ANTXRL: variants seen among roughly 807,000 people sequenced by gnomAD.
ANTXRL encodes ANTXR like.
In ANTXRL, 63 loss-of-function variants were observed where a neutral mutation model predicts 75.4. The observed-to-expected ratio is 0.84, with a 90% CI of 0.68 to 1.03. The LOEUF (loss-of-function observed/expected upper bound fraction) is 1.03. Among genes scored for constraint, ANTXRL ranks in the 50% least tolerant of loss-of-function variants. The probability of loss-of-function intolerance (pLI) is 0.00; values close to 1 mark genes in which losing one functional copy is unlikely to be tolerated. For missense variants in ANTXRL, 797 were observed against 789.4 expected, an observed-to-expected ratio of 1.01 and a Z score of -0.12; for synonymous variants, 335 against 291.3, an observed-to-expected ratio of 1.15 and a Z score of -1.53.
At chr10:46,326,570 G>A (rs1839223235) in intron 16 of ANTXRL, among the ~76,000 whole-genome samples, 1 of 152,162 alleles carries the variant, frequency 6.6e-6, no homozygotes, top group African/African-American at 2.4e-5. Flanking sequence ...AGGCCTGAGT[G>A]GACAGAGGAG....
In ANTXRL at chr10:46,296,035, G is replaced by A. The variant is rs1280653916; in HGVS notation, c.409G>A (p.Gly137Ser). 1.8e-5 allele frequency: 27 copies of A among 1,535,814 alleles called. No individual in the cohort carries two copies. The highest frequency in any genetic ancestry group is 2.4e-5 in the Non-Finnish European group (27 of 1,146,720). The change falls in exon 4 of 17, where the codon GGT becomes AGT. Residue 137 changes from glycine (G) to serine (S), a missense_variant. Gly to Ser is a moderately conservative substitution (Grantham distance 56, BLOSUM62 0). Transcript: ENST00000620264. ...LTSDKNRIKN[G>S]LDQLQKIVPD... ...TTTTTTCAGGAATAGAATAAAAAAC[G>A]GTCTTGACCAACTTCAGAAAATTGT...
rs1554962044 is a variant in ANTXRL at position 46,306,849 on chromosome 10, G to A, written c.942G>A (p.Gly314=). 6.5e-7 allele frequency: 1 copy of A among 1,530,128 alleles called. No individual in the cohort carries two copies. Among genetic ancestry groups the A allele is most frequent in the Non-Finnish European group, 8.7e-7 (1 of 1,144,538 alleles). 94.8% of individuals were successfully genotyped at this position (1,530,128 alleles called of 1,614,324 possible). A position where few individuals can be genotyped will look rare whatever the true frequency, so the allele number is the denominator to read the frequency against. ...SIDNNSMNCP[G]PKLEKPGEEY... is the part of the protein sequence containing the mutation. ...ACAATAATTCCATGAATTGCCCTGG[G>A]CCAAAACTAGAAAAACCTGGAGAGT... Residue 314 remains glycine (G), a synonymous_variant, in exon 11 of 17, where the codon GGG becomes GGA. Coordinates refer to ENST00000620264, the MANE Select transcript of ANTXRL (RefSeq NM_001278688.3).
At chr10:46,310,848 G>A (rs1554963304) in intron 14 of ANTXRL, among the ~76,000 whole-genome samples, 1 of 152,160 alleles carries the variant, frequency 6.6e-6, no homozygotes, top group Non-Finnish European at 1.5e-5. Flanking sequence ...GTGTTTCAGG[G>A]ACCTGGCCCT....
chr10:46,307,512 T>C, intron 12 of ANTXRL, 32 bp downstream of exon 12: 3 of 1,513,332 alleles, frequency 2.0e-6, no homozygotes, highest in Non-Finnish European at 2.7e-6. Context: ...CAAACATGTA[T>C]GAGGACTGTC....
At chr10:46,324,662 C>T (rs925990442) in intron 16 of ANTXRL, among the ~76,000 whole-genome samples, 2 of 152,018 alleles carry the variant, frequency 1.3e-5, no homozygotes, top group African/African-American at 4.8e-5. Flanking sequence ...TTATAGACGC[C>T]GCACTTTTAA....
At chr10:46,291,933 A>G in intron 1 of ANTXRL, 125 bp from the exon 2 acceptor site, 1 of 842,632 alleles carries the variant, frequency 1.2e-6, no homozygotes, top group Non-Finnish European at 1.9e-6. Context: ...GGTGTACCCC[A>G]GCCTCAGCTG....
intron 12 of ANTXRL, 124 bp downstream of exon 12, chr10:46,307,604 C>T: frequency 1.1e-6 from 1 of 936,896 alleles, no homozygotes; most frequent in African/African-American, 1.6e-5. Flanking sequence ...CAGCAGGCAC[C>T]TGAGGCTGCT....
At chr10:46,290,715 C>G (rs1305214918) in intron 1 of ANTXRL, among the ~76,000 whole-genome samples, 1 of 152,136 alleles carries the variant, frequency 6.6e-6, no homozygotes, top group Admixed American at 6.5e-5. Flanking sequence ...TGCTTATTGG[C>G]CATTTGCATA....
At chr10:46,309,689 CT>C (rs1838309011) in intron 13 of ANTXRL, among the ~76,000 whole-genome samples, 2 of 106,040 alleles carry the variant, frequency 1.9e-5, no homozygotes, top group Admixed American at 2.0e-4. Flanking sequence ...TGTCTAGTTC[CT>C]TCCCCATTCC....
rs1343294209 is a variant in ANTXRL at position 46,329,817 on chromosome 10, C to T, written c.1629C>T (p.Cys543=). The T allele has an allele frequency of 1.7e-5, 26 of 1,533,266 alleles. No homozygotes were observed. Among genetic ancestry groups the T allele is most frequent in the Non-Finnish European group, 2.2e-5 (25 of 1,145,858 alleles). The allele number at this position is 1,533,266 out of a possible 1,614,324, so 95.0% of individuals were successfully genotyped here. A position where few individuals can be genotyped will look rare whatever the true frequency, so the allele number is the denominator to read the frequency against. The change falls in exon 17 of 17, where the codon TGC becomes TGT. Residue 543 remains cysteine (C), a synonymous_variant. Coordinates refer to ENST00000620264, the MANE Select transcript of ANTXRL (RefSeq NM_001278688.3). Reference sequence around the variant, plus strand: ...GACACAGCCAACACAGCAGGGAGTGCCTTGCCCGCAAACAGGCTCCCTGCA... The same window carrying T: ...GACACAGCCAACACAGCAGGGAGTGTCTTGCCCGCAAACAGGCTCCCTGCA... ...CLRHSQHSRE[C]LARKQAPCSP...
chr10:46,316,435 T>C (rs1199310805), intron 16 of ANTXRL, among the ~76,000 whole-genome samples: 1 of 152,042 alleles, frequency 6.6e-6, no homozygotes, highest in African/African-American at 2.4e-5. Context: ...CAGGAAGCAA[T>C]AGGACCAGCA....
At chr10:46,294,168 C>G in intron 3 of ANTXRL, 1 of 501,152 alleles carries the variant, frequency 2.0e-6, no homozygotes, top group South Asian at 2.2e-5. Context: ...CTCCGCTCTG[C>G]CTCCTTCCCT....
At chr10:46,317,717 G>A (rs1281892794) in intron 16 of ANTXRL, among the ~76,000 whole-genome samples, 3 of 150,684 alleles carry the variant, frequency 2.0e-5, no homozygotes, top group Non-Finnish European at 3.0e-5. Flanking sequence ...CAAAACACAT[G>A]CACACACACA....
intron 16 of ANTXRL, among the ~76,000 whole-genome samples, chr10:46,328,154 A>C (rs182389208): frequency 6.6e-6 from 1 of 152,252 alleles, no homozygotes; most frequent in Non-Finnish European, 1.5e-5. Flanking sequence ...TGGTCACTTT[A>C]GCTGGGAGCA....
chr10:46,313,941 C>T (rs555192371), intron 16 of ANTXRL, among the ~76,000 whole-genome samples: 4 of 152,198 alleles, frequency 2.6e-5, no homozygotes, highest in Admixed American at 2.6e-4. Context: ...CCTTTTGGAT[C>T]AGCACCAAGG....
intron 4 of ANTXRL, 41 bp from the exon 5 acceptor site, chr10:46,296,178 A>G (rs554936020): frequency 7.0e-5 from 108 of 1,535,356 alleles, no homozygotes; most frequent in African/African-American, 3.3e-4. Context: ...CAGTGGGAGC[A>G]TCTCACTGTC....
intron 12 of ANTXRL, chr10:46,308,386 A>C (rs1838219064): frequency 4.6e-5 from 19 of 409,364 alleles, no homozygotes; most frequent in South Asian, 2.8e-4. Flanking sequence ...GGTTCCCAGC[A>C]CAGGCCCCTG....
Position 46,306,795 on chromosome 10 carries a change from T to C in ANTXRL, c.896-8T>C, listed in dbSNP as rs1348367322. The C allele has an allele frequency of 4.6e-6, 7 of 1,524,034 alleles. No homozygotes were observed. The African/African-American group carries it at 9.7e-5, about 21-fold the overall frequency. The allele number at this position is 1,524,034 out of a possible 1,614,324, so 94.4% of individuals were successfully genotyped here. A position where few individuals can be genotyped will look rare whatever the true frequency, so the allele number is the denominator to read the frequency against. ...CACTGACATTCTTCTCATGTCATTT[T>C]CTTTTAGATGAAAAGCCAACCAGTA... On this transcript the variant is annotated splice_polypyrimidine_tract_variant and splice_region_variant and intron_variant, in intron 10 of 16. Transcript: ENST00000620264.
At chr10:46,311,032 C>T (rs1247884858) in intron 14 of ANTXRL, among the ~76,000 whole-genome samples, 1 of 152,064 alleles carries the variant, frequency 6.6e-6, no homozygotes, top group African/African-American at 2.4e-5. Context: ...GCACAGGGGC[C>T]AGGAGTCCGG....
Sources: gnomAD v4.1 joint callset for allele counts (sites outside exome capture counted in the v4.1 genomes callset) on GRCh38, gnomAD v4.1.1 for gene constraint, MANE v1.5 for transcripts, NCBI Gene and HGNC (gene_info 2026-07-23, HGNC 2026-07-21) for gene names.